The following SCAPER variants were observed in gnomAD, a reference collection of about 807,000 sequenced individuals.
The protein encoded by SCAPER is S-phase cyclin A associated protein in the ER, also known as S phase cyclin A-associated protein in the endoplasmic reticulum.
A neutral mutation model predicts 182.2 loss-of-function variants in SCAPER; 98 were observed. The observed-to-expected ratio is 0.54, with a 90% CI of 0.46 to 0.64. The LOEUF (loss-of-function observed/expected upper bound fraction) is 0.64, where lower values mean the gene tolerates loss of function less well. Among genes scored for constraint, SCAPER ranks in the 30% least tolerant of loss-of-function variants. The probability of loss-of-function intolerance (pLI) is 0.00; values close to 1 mark genes in which losing one functional copy is unlikely to be tolerated. For missense variants in SCAPER, 1,432 were observed against 1,690.0 expected (o/e 0.85, Z 2.68); for synonymous variants, 605 against 564.6 (o/e 1.07, Z -1.01).
At chr15:76,492,360 A>G (rs2052403406) in intron 24 of SCAPER, among the ~76,000 whole-genome samples, 1 of 152,238 alleles carries the variant, frequency 6.6e-6, no homozygotes, top group African/African-American at 2.4e-5. Flanking sequence ...TTATTAAAAC[A>G]ATGAATTTTA....
intron 15 of SCAPER, among the ~76,000 whole-genome samples, chr15:76,735,096 A>C (rs915038103): frequency 6.6e-6 from 1 of 152,202 alleles, no homozygotes; most frequent in African/African-American, 2.4e-5. Context: ...CTGTAATCCC[A>C]GCACGTTAGG....
At chr15:76,509,941 C>T (rs1351761065) in intron 23 of SCAPER, among the ~76,000 whole-genome samples, 9 of 152,096 alleles carry the variant, frequency 5.9e-5, no homozygotes, top group Admixed American at 5.9e-4. Context: ...GCCAACTGGT[C>T]TTCAACAAAG....
intron 23 of SCAPER, among the ~76,000 whole-genome samples, chr15:76,537,907 A>AT: frequency 6.6e-6 from 1 of 152,172 alleles, no homozygotes; most frequent in Admixed American, 6.5e-5. Context: ...TGGGCAAAGG[A>AT]TATGAACAGA....
At chr15:76,775,873 A>C (rs1364702203) in intron 8 of SCAPER, among the ~76,000 whole-genome samples, 1 of 152,220 alleles carries the variant, frequency 6.6e-6, no homozygotes, top group African/African-American at 2.4e-5. Context: ...CTTTCTCTAA[A>C]ATATGACAAT....
chr15:76,606,425 C>T (rs1308484797), intron 22 of SCAPER, among the ~76,000 whole-genome samples: 3 of 152,160 alleles, frequency 2.0e-5, no homozygotes, highest in Non-Finnish European at 4.4e-5. Flanking sequence ...CTGAAGAGTG[C>T]TTTACTTCCA....
At chr15:76,600,453 AT>A (rs57171362) in intron 22 of SCAPER, among the ~76,000 whole-genome samples, 42,341 of 70,244 alleles carry the variant, frequency 0.6, 14,861 homozygotes, top group East Asian at 0.81. Context: ...ATATATATAT[AT>A]TTTTTTTTTT....
chr15:76,763,550 TAA>T (rs58474147), intron 14 of SCAPER, among the ~76,000 whole-genome samples: 26 of 150,340 alleles, frequency 1.7e-4, no homozygotes, highest in African/African-American at 2.4e-4. Context: ...GTTATTTCTT[TAA>T]AAAAAAAAAG....
chr15:76,693,851 G>C (rs1015412756), intron 20 of SCAPER, among the ~76,000 whole-genome samples: 3 of 151,762 alleles, frequency 2.0e-5, no homozygotes, highest in Non-Finnish European at 4.4e-5. Flanking sequence ...GAAAGTTAAT[G>C]TTTAATAGGC....
intron 29 of SCAPER, among the ~76,000 whole-genome samples, chr15:76,356,021 G>A (rs932160364): frequency 2.0e-5 from 3 of 152,226 alleles, no homozygotes; most frequent in African/African-American, 7.2e-5. Context: ...CAGGCTACAG[G>A]TAAGGAGTCT....
At chr15:76,363,824 A>G (rs2041619191) in intron 29 of SCAPER, among the ~76,000 whole-genome samples, 1 of 152,230 alleles carries the variant, frequency 6.6e-6, no homozygotes, top group South Asian at 2.1e-4. Flanking sequence ...TGGTCCTGCT[A>G]CAATGCTATA....
intron 3 of SCAPER, chr15:76,861,762 T>C (rs559517997): frequency 1.3e-5 from 2 of 152,342 alleles, no homozygotes; most frequent in East Asian, 3.9e-4. Flanking sequence ...AAAACCTAAA[T>C]GTATTAGTCC....
chr15:76,411,338 A>G (rs2045275348), intron 26 of SCAPER, among the ~76,000 whole-genome samples: 1 of 152,164 alleles, frequency 6.6e-6, no homozygotes, highest in Non-Finnish European at 1.5e-5. Flanking sequence ...ATGATGCTCA[A>G]GAGAAATGCC....
intron 11 of SCAPER, 102 bp from the exon 12 acceptor site, chr15:76,765,740 T>C: frequency 4.1e-6 from 4 of 975,112 alleles, no homozygotes; most frequent in Non-Finnish European, 6.3e-6. Flanking sequence ...GTTAATATAT[T>C]CTATTTAACC....
intron 23 of SCAPER, among the ~76,000 whole-genome samples, chr15:76,511,617 T>A (rs976630196): frequency 3.9e-5 from 6 of 152,166 alleles, no homozygotes; most frequent in Non-Finnish European, 8.8e-5. Context: ...TACTTTTTCA[T>A]GCCTCTGTGC....
chr15:76,850,626 TAAGG>T (rs957238384), intron 4 of SCAPER, among the ~76,000 whole-genome samples: 2 of 151,864 alleles, frequency 1.3e-5, no homozygotes, highest in Non-Finnish European at 2.9e-5. Flanking sequence ...TTTGAGAGGC[TAAGG>T]AAGGAGGGTC....
chr15:76,579,834 T>A (rs1288788684), intron 22 of SCAPER, among the ~76,000 whole-genome samples: 1 of 152,056 alleles, frequency 6.6e-6, no homozygotes, highest in East Asian at 1.9e-4. Flanking sequence ...AAAAAGATAT[T>A]ACATGAAAAT....
chr15:76,697,496 T>C (rs1040095546), intron 20 of SCAPER, among the ~76,000 whole-genome samples: 5 of 152,238 alleles, frequency 3.3e-5, no homozygotes, highest in African/African-American at 1.2e-4. Context: ...TGAATCCTAT[T>C]ATTTCCTTCT....
At chr15:76,681,606 G>GCCGGGAGGAAC (rs1436949836) in intron 20 of SCAPER, among the ~76,000 whole-genome samples, 2 of 152,180 alleles carry the variant, frequency 1.3e-5, no homozygotes, top group Non-Finnish European at 2.9e-5. Flanking sequence ...GAGGGAGGAA[G>GCCGGGAGGAAC]CTGGAAACAC....
chr15:76,723,675 T>A (rs1015171079), intron 17 of SCAPER, among the ~76,000 whole-genome samples: 3 of 152,356 alleles, frequency 2.0e-5, no homozygotes, highest in African/African-American at 7.2e-5. Context: ...CCCTTTACCA[T>A]TATGTAATGG....
Sources: gnomAD v4.1 joint callset for allele counts (sites outside exome capture counted in the v4.1 genomes callset) on GRCh38, gnomAD v4.1.1 for gene constraint, MANE v1.5 for transcripts, NCBI Gene and HGNC (gene_info 2026-07-23, HGNC 2026-07-21) for gene names.